Variants in EXOC4 observed in about 807,000 individuals in gnomAD.
EXOC4 encodes the protein exocyst complex component 4.
In EXOC4, 71 loss-of-function variants were observed where a neutral mutation model predicts 107.2. That is an observed-to-expected ratio of 0.66 (90% CI 0.55 to 0.81). EXOC4 has a LOEUF of 0.81. Among genes scored for constraint, EXOC4 ranks in the 30% least tolerant of loss-of-function variants. EXOC4 has a pLI of 0.00. For missense variants in EXOC4, 1,108 were observed against 1,189.6 expected, an observed-to-expected ratio of 0.93 and a Z score of 1.01; for synonymous variants, 456 against 441.2, an observed-to-expected ratio of 1.03 and a Z score of -0.42.
At chr7:133,326,914 C>T (rs1361844505) in intron 5 of EXOC4, among the ~76,000 whole-genome samples, 1 of 152,222 alleles carries the variant, frequency 6.6e-6, no homozygotes, top group Non-Finnish European at 1.5e-5. Flanking sequence ...ATGGCAGGCG[C>T]CCCTTCCCCA....
intron 11 of EXOC4, among the ~76,000 whole-genome samples, chr7:133,834,083 A>G (rs562096330): frequency 9.2e-5 from 14 of 152,330 alleles, no homozygotes; most frequent in Non-Finnish European, 1.6e-4. Context: ...AGGCTTGACT[A>G]GATTAAAAAG....
At chr7:133,457,636 G>A (rs959453847) in intron 7 of EXOC4, among the ~76,000 whole-genome samples, 1 of 152,182 alleles carries the variant, frequency 6.6e-6, no homozygotes, top group Admixed American at 6.5e-5. Flanking sequence ...TAGAGTTGGT[G>A]TATCCCATTA....
intron 7 of EXOC4, among the ~76,000 whole-genome samples, chr7:133,409,433 A>G (rs1458851504): frequency 6.6e-6 from 1 of 152,176 alleles, no homozygotes; most frequent in Non-Finnish European, 1.5e-5. Context: ...GTGAAGTATC[A>G]CCAGCTATGA....
intron 17 of EXOC4, among the ~76,000 whole-genome samples, chr7:134,042,572 A>G (rs1795545572): frequency 6.6e-6 from 1 of 152,166 alleles, no homozygotes; most frequent in Admixed American, 6.5e-5. Flanking sequence ...TGAGGAAGCC[A>G]GGGAACCGGA....
intron 10 of EXOC4, among the ~76,000 whole-genome samples, chr7:133,667,948 G>C (rs1341747471): frequency 6.6e-6 from 1 of 152,148 alleles, no homozygotes. Flanking sequence ...ATCTGAATTT[G>C]TTTGACTTGA....
chr7:133,449,222 C>G (rs140356930), intron 7 of EXOC4, among the ~76,000 whole-genome samples: 2 of 152,128 alleles, frequency 1.3e-5, no homozygotes, highest in Non-Finnish European at 2.9e-5. Context: ...TGCCGTAGAA[C>G]GCCAAGGATT....
intron 10 of EXOC4, among the ~76,000 whole-genome samples, chr7:133,649,467 C>CTTTTTTTTTTT (rs61225754): frequency 2.3e-5 from 2 of 85,366 alleles, no homozygotes; most frequent in Non-Finnish European, 2.3e-5. Flanking sequence ...ACTACTTTTT[C>CTTTTTTTTTTT]TTTTTTTTTT....
In EXOC4 at chr7:133,305,903, C is replaced by T. The variant is rs1794742814; in HGVS notation, c.498C>T (p.Gly166=). 3 of 1,607,944 alleles carry T rather than the reference C, an allele frequency of 1.9e-6. No homozygotes were observed. The highest frequency in any genetic ancestry group is 1.3e-5 in the African/African-American group (1 of 74,522). The change falls in exon 4 of 18, where the codon GGC becomes GGT. Residue 166 remains glycine (G), a synonymous_variant. Transcript: ENST00000253861. ...MLVSAVESLE[G]PLLQVEGLSD... Reference sequence around the variant, plus strand: ...TGTCAGCAGTTGAGTCTTTGGAGGGCCCCCTGCTCCAGGTGGAAGGACTGA... The same window carrying T: ...TGTCAGCAGTTGAGTCTTTGGAGGGTCCCCTGCTCCAGGTGGAAGGACTGA...
At chr7:133,823,882 A>AAAT (rs1297645797) in intron 11 of EXOC4, among the ~76,000 whole-genome samples, 1 of 20,914 alleles carries the variant, frequency 4.8e-5, no homozygotes, top group Non-Finnish European at 7.1e-5. Context: ...TTATATATAT[A>AAAT]TATATATATA....
chr7:134,021,843 A>G (rs1795038287), intron 17 of EXOC4, among the ~76,000 whole-genome samples: 1 of 151,936 alleles, frequency 6.6e-6, no homozygotes, highest in African/African-American at 2.4e-5. Context: ...TTCAGCAGGC[A>G]TTAACACTGC....
intron 10 of EXOC4, among the ~76,000 whole-genome samples, chr7:133,734,537 C>T (rs1305078813): frequency 6.6e-6 from 1 of 151,510 alleles, no homozygotes. Context: ...GGATTTTTCC[C>T]CCGGTTTCTG....
At chr7:133,276,483 C>G (rs1793994963) in intron 2 of EXOC4, among the ~76,000 whole-genome samples, 2 of 152,138 alleles carry the variant, frequency 1.3e-5, no homozygotes, top group East Asian at 3.8e-4. Context: ...ACTCTAATCT[C>G]CCAGATTCTA....
At chr7:133,604,723 T>C (rs1218710575) in intron 9 of EXOC4, among the ~76,000 whole-genome samples, 4 of 111,008 alleles carry the variant, frequency 3.6e-5, no homozygotes, top group Non-Finnish European at 7.3e-5. Context: ...TTTTTTTTTT[T>C]TTTTTTTTTT....
chr7:133,759,932 TA>T (rs1282947134), intron 10 of EXOC4, among the ~76,000 whole-genome samples: 3 of 152,174 alleles, frequency 2.0e-5, no homozygotes, highest in African/African-American at 7.2e-5. Context: ...ATGAAAGGGC[TA>T]CAGAAAAGAA....
intron 9 of EXOC4, among the ~76,000 whole-genome samples, chr7:133,522,129 A>G (rs796165208): frequency 2.0e-5 from 3 of 152,300 alleles, no homozygotes; most frequent in African/African-American, 7.2e-5. Flanking sequence ...TACCAGTCGT[A>G]AAGCTAGTAA....
intron 9 of EXOC4, among the ~76,000 whole-genome samples, chr7:133,527,350 G>T (rs1327260521): frequency 1.3e-5 from 2 of 152,152 alleles, no homozygotes; most frequent in African/African-American, 4.8e-5. Context: ...GTTGCAGTGA[G>T]CTGAGATTGC....
chr7:133,470,476 A>G (rs1330381662), intron 7 of EXOC4, among the ~76,000 whole-genome samples: 2 of 152,182 alleles, frequency 1.3e-5, no homozygotes, highest in Non-Finnish European at 2.9e-5. Flanking sequence ...AACACTCTGT[A>G]TCTTTATTTT....
intron 10 of EXOC4, among the ~76,000 whole-genome samples, chr7:133,718,356 A>G (rs1050958066): frequency 1.4e-4 from 22 of 152,160 alleles, no homozygotes; most frequent in African/African-American, 4.6e-4. Context: ...TGCCTAGAGA[A>G]GTTGTCTGAG....
At chr7:133,433,816 A>G (rs1797907669) in intron 7 of EXOC4, among the ~76,000 whole-genome samples, 3 of 152,180 alleles carry the variant, frequency 2.0e-5, no homozygotes, top group African/African-American at 7.2e-5. Context: ...AGAAATGCTT[A>G]CAATTCAGAT....
Sources: allele counts gnomAD v4.1 joint callset (sites outside exome capture counted in the v4.1 genomes callset), GRCh38; gene constraint gnomAD v4.1.1; transcripts MANE v1.5; gene names NCBI Gene and HGNC (gene_info 2026-07-23, HGNC 2026-07-21).